FASTKD2: variants seen among roughly 807,000 people sequenced by gnomAD.
FASTKD2 encodes the protein FAST kinase domains 2.
FASTKD2 carries 51 observed loss-of-function variants against 63.6 expected under a neutral mutation model. That is an observed-to-expected ratio of 0.80 (90% CI 0.64 to 1.01). The LOEUF is 1.01. Among genes scored for constraint, FASTKD2 ranks in the 50% least tolerant of loss-of-function variants. The pLI is 0.00. For missense variants in FASTKD2, 786 were observed against 831.1 expected, an observed-to-expected ratio of 0.95 and a Z score of 0.67; for synonymous variants, 284 against 293.4, an observed-to-expected ratio of 0.97 and a Z score of 0.33.
chr2:206,770,169 G>A lies in FASTKD2; in HGVS notation c.856G>A (p.Val286Ile), dbSNP rs758110363. ...AGAGGCAATGGAACCATGCAAGAATGTTCATGTTCTACGAACGGGATTCAG... is the reference window on the plus strand; with the variant it reads ...AGAGGCAATGGAACCATGCAAGAATATTCATGTTCTACGAACGGGATTCAG... Reference protein sequence around the residue: ...VLEAMEPCKNVHVLRTGFRIL... With the variant: ...VLEAMEPCKNIHVLRTGFRIL... Residue 286 changes from valine to isoleucine, a missense_variant, in exon 3 of 12, where the codon GTT becomes ATT. Val to Ile is a conservative substitution (Grantham distance 29, BLOSUM62 3). Coordinates refer to ENST00000402774, the MANE Select transcript of FASTKD2 (RefSeq NM_001136193.2). 2 of 1,609,520 alleles carry A rather than the reference G, an allele frequency of 1.2e-6. No homozygotes were observed. The highest frequency in any genetic ancestry group is 2.2e-5 in the East Asian group (1 of 44,844).
chr2:206,773,095 A>C (rs945678124), intron 6 of FASTKD2, among the ~76,000 whole-genome samples: 7 of 152,076 alleles, frequency 4.6e-5, no homozygotes, highest in African/African-American at 1.7e-4. Context: ...TGGGTGGATC[A>C]CCTGAGGTCA....
rs1411152381 is a variant in FASTKD2, at chr2:206,793,960, A to G, written c.*2158A>G. Among the ~76,000 whole-genome samples the G allele has an allele frequency of 6.6e-6, 1 of 152,232 alleles. No individual in the cohort carries two copies. Among genetic ancestry groups the G allele is most frequent in the African/African-American group, 2.4e-5 (1 of 41,452 alleles). ...CTGATGAAGGTATAATGAGGCAAGC[A>G]CTTGCATAAGCTGTTGGTAGACTGT... On this transcript the variant is annotated 3_prime_UTR_variant, in exon 12 of 12. Coordinates refer to ENST00000402774, the MANE Select transcript of FASTKD2 (RefSeq NM_001136193.2).
chr2:206,791,667 CTCTT>C lies in FASTKD2; in HGVS notation c.2014-10_2014-7del, dbSNP rs748628538. ...ATCGTCTCACAAACTGATTATTTTC[CTCTT>C]TCTTTGGTAAGGTCAATAACTGGGA... On this transcript the variant is annotated splice_polypyrimidine_tract_variant and intron_variant, in intron 11 of 11. Coordinates refer to ENST00000402774, the MANE Select transcript of FASTKD2 (RefSeq NM_001136193.2). 1 of 1,611,620 alleles carries C rather than the reference CTCTT, an allele frequency of 6.2e-7. No individual in the cohort carries two copies. The highest frequency in any genetic ancestry group is 1.1e-5 in the South Asian group (1 of 91,046).
chr2:206,766,259 CAAAAAAAA>C (rs60933510), intron 1 of FASTKD2, among the ~76,000 whole-genome samples: 1 of 55,976 alleles, frequency 1.8e-5, no homozygotes, highest in African/African-American at 6.8e-5. Context: ...GACTTTGTCT[CAAAAAAAA>C]AAAAAAAAAA....
In FASTKD2 at chr2:206,771,888, CT is replaced by C; in HGVS notation, c.991-3del. ...TAAATTAAATTAAAATTTGTTTTTT[CT>C]TTAGATGAAAGCCTTGAGGGAATTA... On this transcript the variant is annotated splice_polypyrimidine_tract_variant and splice_region_variant and intron_variant, in intron 4 of 11. Transcript: ENST00000402774. The C allele has an allele frequency of 6.3e-7, 1 of 1,592,584 alleles. No homozygotes were observed. The highest frequency in any genetic ancestry group is 8.6e-7 in the Non-Finnish European group (1 of 1,160,780).
In FASTKD2 at chr2:206,770,083, T is replaced by G; in HGVS notation, c.778-8T>G. ...ACCTGTAGTGTTTTTGTAATTATATTTCAATAGGAACGTATCAATGAGTGT... is the reference window on the plus strand; with the variant it reads ...ACCTGTAGTGTTTTTGTAATTATATGTCAATAGGAACGTATCAATGAGTGT... On this transcript the variant is annotated splice_region_variant and splice_polypyrimidine_tract_variant and intron_variant, in intron 2 of 11. Transcript: ENST00000402774. 1 of 1,572,076 alleles carries G rather than the reference T, an allele frequency of 6.4e-7. No homozygotes were observed. Among genetic ancestry groups the G allele is most frequent in the South Asian group, 1.1e-5 (1 of 90,212 alleles).
intron 2 of FASTKD2, 28 bp from the exon 3 acceptor site, chr2:206,770,063 T>A: frequency 7.3e-7 from 1 of 1,376,250 alleles, no homozygotes. Flanking sequence ...TCATCACCTG[T>A]AGTGTTTTTG....
At chr2:206,785,646 G>T (rs998452002) in intron 7 of FASTKD2, among the ~76,000 whole-genome samples, 3 of 152,228 alleles carry the variant, frequency 2.0e-5, no homozygotes, top group East Asian at 3.9e-4. Flanking sequence ...CCCTGCCCCC[G>T]CATCCCACTG....
chr2:206,769,713 A>G (rs1482153291), intron 2 of FASTKD2, among the ~76,000 whole-genome samples: 1 of 152,246 alleles, frequency 6.6e-6, no homozygotes, highest in Non-Finnish European at 1.5e-5. Context: ...TCTGTACTTC[A>G]GTAGTTCTTA....
Position 206,795,860 on chromosome 2 carries a change from C to T in FASTKD2, c.*4058C>T, listed in dbSNP as rs2105993444. Among the ~76,000 whole-genome samples, 1 of 152,306 alleles carries T rather than the reference C, an allele frequency of 6.6e-6. No individual in the cohort carries two copies. Among genetic ancestry groups the T allele is most frequent in the South Asian group, 2.1e-4 (1 of 4,830 alleles). ...GGATTGTGGCTAAAATAATGTGGCT[C>T]TGGAGCCAGCAATGGGCAGCATCTT... On this transcript the variant is annotated 3_prime_UTR_variant, in exon 12 of 12. Coordinates refer to ENST00000402774, the MANE Select transcript of FASTKD2 (RefSeq NM_001136193.2).
At chr2:206,779,900 T>G (rs1208446081) in intron 7 of FASTKD2, among the ~76,000 whole-genome samples, 1 of 152,224 alleles carries the variant, frequency 6.6e-6, no homozygotes, top group African/African-American at 2.4e-5. Flanking sequence ...TTCTTTGGTG[T>G]AGTCTCTAAA....
chr2:206,770,117 A>G lies in FASTKD2; in HGVS notation c.804A>G (p.Ile268Met), dbSNP rs760300511. 1 of 1,608,492 alleles carries G rather than the reference A, an allele frequency of 6.2e-7. No individual in the cohort carries two copies. The highest frequency in any genetic ancestry group is 1.7e-5 in the Admixed American group (1 of 60,016). ...TQERINECDE[I>M]CLSVLSTVLE... ...AACGTATCAATGAGTGTGATGAGAT[A>G]TGCCTTTCAGTTTTGTCAACTGTTT... Residue 268 changes from isoleucine to methionine, a missense_variant, in exon 3 of 12, where the codon ATA (isoleucine) becomes ATG (methionine). By Grantham distance (10) the Ile-to-Met change is conservative. Coordinates refer to ENST00000402774, the MANE Select transcript of FASTKD2 (RefSeq NM_001136193.2).
In FASTKD2 at chr2:206,774,408, G is replaced by T; in HGVS notation, c.1427+11G>T. On this transcript the variant is annotated intron_variant, in intron 7 of 11. Transcript: ENST00000402774. ...ATGCCAGAACAAAGAGTATGTACTT[G>T]TTTTTTTTTACCTTTTTTATTGCCA... 2 of 1,530,040 alleles carry T rather than the reference G, an allele frequency of 1.3e-6. No homozygotes were observed. The highest frequency in any genetic ancestry group is 2.3e-5 in the South Asian group (2 of 86,522). The allele number at this position is 1,530,040 out of a possible 1,614,324, so 94.8% of individuals were successfully genotyped here. A position where few individuals can be genotyped will look rare whatever the true frequency, so the allele number is the denominator to read the frequency against.
chr2:206,791,979 C>A lies in FASTKD2; in HGVS notation c.*177C>A. The A allele has an allele frequency of 1.6e-6, 1 of 625,512 alleles. No homozygotes were observed. Among genetic ancestry groups the A allele is most frequent in the Non-Finnish European group, 2.8e-6 (1 of 361,272 alleles). 38.7% of individuals were successfully genotyped at this position (625,512 alleles called of 1,614,324 possible). A position where few individuals can be genotyped will look rare whatever the true frequency, so the allele number is the denominator to read the frequency against. ...GTTGTTACTGCCATTTAAAAATATG[C>A]TGAGAAAATTCCAGAAGGGTTATTT... is the stretch of plus-strand genomic sequence containing the variant. On this transcript the variant is annotated 3_prime_UTR_variant, in exon 12 of 12. Transcript: ENST00000402774.
chr2:206,768,911 G>C (rs999242683), intron 2 of FASTKD2, among the ~76,000 whole-genome samples: 4 of 152,268 alleles, frequency 2.6e-5, no homozygotes, highest in South Asian at 4.1e-4. Flanking sequence ...GAATATCCCT[G>C]TTTATTTGTA....
At chr2:206,771,114 G>A (rs1689668298) in intron 3 of FASTKD2, 68 bp from the exon 4 acceptor site, 2 of 968,624 alleles carry the variant, frequency 2.1e-6, no homozygotes, top group Non-Finnish European at 3.2e-6. Context: ...TGGACCAAAT[G>A]AAATTTTAAG....
rs949128563 is a variant in FASTKD2, at chr2:206,795,052, T to C, written c.*3250T>C. On this transcript the variant is annotated 3_prime_UTR_variant, in exon 12 of 12. Coordinates refer to ENST00000402774, the MANE Select transcript of FASTKD2 (RefSeq NM_001136193.2). ...GCTGGCGAGGGACGTGGCACAGCCT[T>C]GTCTTCACACAGCACATCACAGCCA... 3.3e-5 allele frequency among the ~76,000 whole-genome samples: 5 copies of C among 152,300 alleles called. No individual in the cohort carries two copies. Among genetic ancestry groups the C allele is most frequent in the East Asian group, 3.9e-4 (2 of 5,182 alleles).
In FASTKD2 at chr2:206,793,220, C is replaced by CAAAAAAAAAAAAA. The variant is rs58656956; in HGVS notation, c.*1437_*1449dup. On this transcript the variant is annotated 3_prime_UTR_variant, in exon 12 of 12. Coordinates refer to ENST00000402774, the MANE Select transcript of FASTKD2 (RefSeq NM_001136193.2). ...CTGACCACAGAGCGAGACTCTGTCT[C>CAAAAAAAAAAAAA]AAAAAAAAAAAAAAAAAAAAAAAAA... Among the ~76,000 whole-genome samples, 8 of 65,824 alleles carry CAAAAAAAAAAAAA rather than the reference C, an allele frequency of 1.2e-4. No homozygotes were observed. The highest frequency in any genetic ancestry group is 3.1e-4 in the African/African-American group (5 of 16,242). The allele number at this position is 65,824 out of a possible 152,430, so 43.2% of individuals were successfully genotyped here.
At chr2:206,786,219 C>T (rs2105985575) in intron 7 of FASTKD2, among the ~76,000 whole-genome samples, 1 of 152,322 alleles carries the variant, frequency 6.6e-6, no homozygotes. Context: ...CCACGTTATA[C>T]TGTGTACCAT....
Sources: allele counts gnomAD v4.1 joint callset (sites outside exome capture counted in the v4.1 genomes callset), GRCh38; gene constraint gnomAD v4.1.1; transcripts MANE v1.5; gene names NCBI Gene and HGNC (gene_info 2026-07-23, HGNC 2026-07-21).